The following PITPNM2 variants were observed in gnomAD, a reference collection of about 807,000 sequenced individuals.
The protein encoded by PITPNM2 is phosphatidylinositol transfer protein membrane associated 2.
A neutral mutation model predicts 132.2 loss-of-function variants in PITPNM2; 35 were observed. That is an observed-to-expected ratio of 0.26 (90% CI 0.20 to 0.35). The LOEUF is 0.35. Among genes scored for constraint, PITPNM2 ranks in the 10% least tolerant of loss-of-function variants. The pLI is 1.00. For synonymous variants in PITPNM2, 738 were observed against 799.2 expected (o/e 0.92, Z 1.29); for missense variants, 1,332 against 1,912.0 (o/e 0.70, Z 5.66).
chr12:123,121,334 C>A (rs1017738936), intron 1 of PITPNM2, among the ~76,000 whole-genome samples: 1 of 152,204 alleles, frequency 6.6e-6, no homozygotes, highest in Admixed American at 6.5e-5. Context: ...TGATCATGCC[C>A]TCCAGCCTGG....
chr12:123,030,612 G>A (rs546669758), intron 3 of PITPNM2, among the ~76,000 whole-genome samples: 1 of 151,806 alleles, frequency 6.6e-6, no homozygotes, highest in East Asian at 1.9e-4. Context: ...AGAATGGCGT[G>A]AACCCGGGAG....
intron 2 of PITPNM2, among the ~76,000 whole-genome samples, chr12:123,075,205 T>A (rs751026827): frequency 1.3e-5 from 2 of 152,238 alleles, no homozygotes; most frequent in Non-Finnish European, 2.9e-5. Context: ...TAAGTACGTG[T>A]GTGTTCAGGA....
chr12:123,142,392 C>A (rs1445755466), intron 1 of PITPNM2, among the ~76,000 whole-genome samples: 1 of 152,222 alleles, frequency 6.6e-6, no homozygotes, highest in Non-Finnish European at 1.5e-5. Context: ...TGGAAAATGT[C>A]CCGCTTAGGG....
chr12:123,052,264 G>A (rs970428938), intron 2 of PITPNM2, among the ~76,000 whole-genome samples: 2 of 151,928 alleles, frequency 1.3e-5, no homozygotes, highest in African/African-American at 4.8e-5. Context: ...AATAGACAGC[G>A]GGTTTGTTTG....
Position 123,036,761 on chromosome 12 carries a change from CCTCT to C in PITPNM2, c.-95-2080_-95-2077del, listed in dbSNP as rs966394998. On this transcript the variant is annotated intron_variant, in intron 2 of 25. Coordinates refer to ENST00000320201, the MANE Select transcript of PITPNM2 (RefSeq NM_020845.3). The surrounding 1 kb of genome is among the most constrained non-coding windows in gnomAD (Gnocchi z 4.1). ...GGACACAGAAATCCCCTCTAGCTCCCCTCTCTCTGGGAAGTTTCCTTGCCCTGTT... is the reference window on the plus strand; with the variant it reads ...GGACACAGAAATCCCCTCTAGCTCCCCTCTGGGAAGTTTCCTTGCCCTGTT... Among the ~76,000 whole-genome samples, 7 of 152,188 alleles carry C rather than the reference CCTCT, an allele frequency of 4.6e-5. No homozygotes were observed. Among genetic ancestry groups the C allele is most frequent in the Non-Finnish European group, 8.8e-5 (6 of 68,030 alleles).
At chr12:123,062,769 C>T (rs1238943548) in intron 2 of PITPNM2, among the ~76,000 whole-genome samples, 2 of 152,184 alleles carry the variant, frequency 1.3e-5, no homozygotes, top group African/African-American at 4.8e-5. Context: ...AAAAAAGTGT[C>T]TGGTTTTCAG....
Position 122,988,297 on chromosome 12 carries a change from C to T in PITPNM2, c.2934G>A (p.Ser978=), listed in dbSNP as rs144645393. The T allele has an allele frequency of 6.3e-5, 102 of 1,613,388 alleles. No individual in the cohort carries two copies. The highest frequency in any genetic ancestry group is 3.6e-4 in the African/African-American group (27 of 75,026). Residue 978 remains serine, a synonymous_variant, in exon 20 of 26, where the codon TCG becomes TCA. Transcript: ENST00000320201. The stretch of plus-strand genomic sequence containing the variant: ...CCCTTGGCTTTGAGGGGGTGAACAC[C>T]GACACTTCCTTGCCATCCAGCTCCA... ...SILELDGKEV[S]VFTPSKPREK...
At chr12:123,007,675 G>A (rs2038999991) in intron 6 of PITPNM2, among the ~76,000 whole-genome samples, 1 of 152,110 alleles carries the variant, frequency 6.6e-6, no homozygotes, top group African/African-American at 2.4e-5. Context: ...CTCAGATGTG[G>A]CACACTGAAG....
intron 3 of PITPNM2, among the ~76,000 whole-genome samples, chr12:123,020,903 G>A (rs1592950067): frequency 6.6e-6 from 1 of 151,882 alleles, no homozygotes; most frequent in Non-Finnish European, 1.5e-5. Context: ...GGTGGTGGGT[G>A]CCACTAATCC....
Position 123,008,691 on chromosome 12 carries a change from C to A in PITPNM2, c.643+1159G>T, listed in dbSNP as rs1054716640. ...CTTCTCTTCCTGCCACCTCTCCCAGCTGCTGATTGACACCGCAGCAGCCCT... is the reference window on the plus strand; with the variant it reads ...CTTCTCTTCCTGCCACCTCTCCCAGATGCTGATTGACACCGCAGCAGCCCT... On this transcript the variant is annotated intron_variant, in intron 6 of 25. Coordinates refer to ENST00000320201, the MANE Select transcript of PITPNM2 (RefSeq NM_020845.3). The surrounding 1 kb of genome is among the most constrained non-coding windows in gnomAD (Gnocchi z 4.1). 6.6e-6 allele frequency among the ~76,000 whole-genome samples: 1 copy of A among 152,228 alleles called. No homozygotes were observed. The highest frequency in any genetic ancestry group is 2.4e-5 in the African/African-American group (1 of 41,450).
At chr12:122,997,155 CG>C (rs2038466002) in intron 11 of PITPNM2, among the ~76,000 whole-genome samples, 169 bp downstream of exon 11, 1 of 152,232 alleles carries the variant, frequency 6.6e-6, no homozygotes, top group South Asian at 2.1e-4. Flanking sequence ...TCCTGGGACT[CG>C]AGGCTTAGCC....
Position 122,986,097 on chromosome 12 carries a change from A to G in PITPNM2, c.3980T>C (p.Val1327Ala), listed in dbSNP as rs1376595168. 2.7e-6 allele frequency: 4 copies of G among 1,455,272 alleles called. No homozygotes were observed. The highest frequency in any genetic ancestry group is 3.6e-6 in the Non-Finnish European group (4 of 1,113,460). The allele number at this position is 1,455,272 out of a possible 1,614,324, so 90.1% of individuals were successfully genotyped here. ...GEQRGQRSMS[V>A]AAGCWGRAMT... is the part of the protein sequence containing the mutation. The stretch of plus-strand genomic sequence containing the variant: ...GGCGCGGCCCCAGCAGCCGGCCGCC[A>G]CACTCATGCTGCGCTGGCCCCGCTG... Residue 1327 changes from valine to alanine, a missense_variant, in exon 26 of 26, where the codon GTG (valine) becomes GCG (alanine). Transcript: ENST00000320201.
At position 122,996,756 on chromosome 12, in the gene PITPNM2, T is replaced by G. The variant is rs776972364; in HGVS notation, c.1627A>C (p.Ile543Leu). 1.2e-6 allele frequency: 2 copies of G among 1,611,894 alleles called. No individual in the cohort carries two copies. Among genetic ancestry groups the G allele is most frequent in the South Asian group, 2.2e-5 (2 of 90,878 alleles). ...AAGGTCATGCCCTCCTGGGACTTGA[T>G]GAAGTCCCCATAGGCAAGGTTGGCT... ...QRANLAYGDF[I>L]KSQEGMTFNG... Residue 543 changes from isoleucine to leucine, a missense_variant, in exon 12 of 26, where the codon ATC becomes CTC. Physicochemically the swap from Ile to Leu is conservative, Grantham distance 5. This residue lies in a region of PITPNM2 where 710 missense variants were observed against 911.5 expected (regional missense o/e 0.78). Coordinates refer to ENST00000320201, the MANE Select transcript of PITPNM2 (RefSeq NM_020845.3).
chr12:122,990,823 C>T (rs2038156893), intron 16 of PITPNM2, 114 bp from the exon 17 acceptor site: 2 of 1,190,330 alleles, frequency 1.7e-6, no homozygotes, highest in Non-Finnish European at 2.3e-6. Flanking sequence ...GGCTGGGCAG[C>T]AGCTGTGCCA....
At position 123,082,598 on chromosome 12, in the gene PITPNM2, G is replaced by A. The variant is rs1255958466; in HGVS notation, c.-96+27787C>T. Among the ~76,000 whole-genome samples the A allele has an allele frequency of 6.6e-6, 1 of 151,968 alleles. No individual in the cohort carries two copies. The highest frequency in any genetic ancestry group is 1.9e-4 in the East Asian group (1 of 5,186). The stretch of plus-strand genomic sequence containing the variant: ...AATACAGGCGCCCACCACCATGCCC[G>A]GCTAATTTTTATATTTTTAGTAAGA... On this transcript the variant is annotated intron_variant, in intron 2 of 25. Coordinates refer to ENST00000320201, the MANE Select transcript of PITPNM2 (RefSeq NM_020845.3). This position sits in a 1 kb window ranked among gnomAD's most constrained non-coding sequence, Gnocchi z 5.4.
chr12:123,121,183 G>A (rs938380055), intron 1 of PITPNM2, among the ~76,000 whole-genome samples: 2 of 152,220 alleles, frequency 1.3e-5, no homozygotes, highest in Admixed American at 1.3e-4. Context: ...AAGGAGAAAT[G>A]AGAACATGGC....
chr12:123,136,348 A>G (rs765641823), intron 1 of PITPNM2, among the ~76,000 whole-genome samples: 1 of 152,084 alleles, frequency 6.6e-6, no homozygotes, highest in African/African-American at 2.4e-5. Flanking sequence ...AAAAATAACA[A>G]AAAATAGAAA....
chr12:122,986,123 C>T lies in PITPNM2; in HGVS notation c.3954G>A (p.Glu1318=). The change falls in exon 26 of 26, where the codon GAG becomes GAA. Residue 1318 remains glutamate, a synonymous_variant. Transcript: ENST00000320201. ...HERTQSQADG[E]QRGQRSMSVA... ...CACTCATGCTGCGCTGGCCCCGCTG[C>T]TCGCCATCCGCCTGGCTCTGTGTCC... is the stretch of plus-strand genomic sequence containing the variant. 6.6e-7 allele frequency: 1 copy of T among 1,505,656 alleles called. No homozygotes were observed. 93.3% of individuals were successfully genotyped at this position (1,505,656 alleles called of 1,614,324 possible). A position where few individuals can be genotyped will look rare whatever the true frequency, so the allele number is the denominator to read the frequency against.
intron 2 of PITPNM2, among the ~76,000 whole-genome samples, chr12:123,109,018 T>C (rs1315000482): frequency 2.0e-5 from 3 of 152,216 alleles, no homozygotes; most frequent in African/African-American, 7.2e-5. Context: ...AGCTGATATC[T>C]GCCATCTCTG....
Sources: gnomAD v4.1 joint callset for allele counts (sites outside exome capture counted in the v4.1 genomes callset) on GRCh38, gnomAD v4.1.1 for gene constraint, gnomAD v4.1.1 regional missense constraint, Gnocchi (gnomAD v3.1) non-coding constraint, MANE v1.5 for transcripts, NCBI Gene and HGNC (gene_info 2026-07-23, HGNC 2026-07-21) for gene names.